The following PUS10 variants were observed in gnomAD, a reference collection of about 807,000 sequenced individuals.
PUS10 encodes the protein pseudouridine synthase 10.
A neutral mutation model predicts 75.0 loss-of-function variants in PUS10; 59 were observed. The observed-to-expected ratio is 0.79, with a 90% CI of 0.64 to 0.98. PUS10 has a LOEUF of 0.98. Ranked by LOEUF, PUS10 falls within the 50% of genes least tolerant of loss-of-function variation. The pLI is 0.00. For synonymous variants in PUS10, 219 were observed against 211.6 expected, an observed-to-expected ratio of 1.03 and a Z score of -0.30; for missense variants, 650 against 614.4, an observed-to-expected ratio of 1.06 and a Z score of -0.61.
chr2:60,986,938 A>T (rs1393754622), intron 4 of PUS10, among the ~76,000 whole-genome samples: 1 of 152,214 alleles, frequency 6.6e-6, no homozygotes, highest in Non-Finnish European at 1.5e-5. Flanking sequence ...GTAAAATTGG[A>T]AGTTTAAATG....
intron 8 of PUS10, 37 bp from the exon 9 acceptor site, chr2:60,962,927 T>C: frequency 1.3e-6 from 2 of 1,515,960 alleles, no homozygotes; most frequent in Non-Finnish European, 1.8e-6. Flanking sequence ...GACATTTTAT[T>C]ATCCAGACAA....
intron 4 of PUS10, among the ~76,000 whole-genome samples, chr2:60,995,177 A>G (rs1433915436): frequency 6.6e-6 from 1 of 152,182 alleles, no homozygotes. Context: ...TTCAGCTTCA[A>G]TTTCATCATC....
chr2:61,003,262 G>C lies in PUS10; in HGVS notation c.468+3295C>G, dbSNP rs565534687. On this transcript the variant is annotated intron_variant, in intron 4 of 17. Coordinates refer to ENST00000316752, the MANE Select transcript of PUS10 (RefSeq NM_144709.4). ...AGATCACTTGCGATCAGGAGTTTGA[G>C]ACCAGCCTGACCAACATGGTGAAAC... Among the ~76,000 whole-genome samples, 21 of 152,198 alleles carry C rather than the reference G, an allele frequency of 1.4e-4. No individual in the cohort carries two copies. The East Asian group carries it at 4.1e-3, about 30-fold the overall frequency.
chr2:61,006,333 G>A (rs955222078), intron 4 of PUS10, among the ~76,000 whole-genome samples: 1 of 152,222 alleles, frequency 6.6e-6, no homozygotes, highest in South Asian at 2.1e-4. Context: ...AAAGATGGCA[G>A]TCCTAGGACA....
In PUS10 at chr2:60,955,038, T is replaced by A. The variant is rs146710040; in HGVS notation, c.1037A>T (p.Asp346Val). 2 of 1,596,884 alleles carry A rather than the reference T, an allele frequency of 1.3e-6. No homozygotes were observed. Among genetic ancestry groups the A allele is most frequent in the Non-Finnish European group, 1.7e-6 (2 of 1,171,800 alleles). The change falls in exon 12 of 18, where the codon GAT becomes GTT. Residue 346 changes from aspartate to valine, a missense_variant. Physicochemically the swap from Asp to Val is radical, Grantham distance 152. Coordinates refer to ENST00000316752, the MANE Select transcript of PUS10 (RefSeq NM_144709.4). ...NFSSSGREDV[D>V]VRTLGNGRPF... ...CTTACCATTTCCTAATGTTCTCACA[T>A]CTACATCTTCTCTTCCAGAGGATGA... is the stretch of plus-strand genomic sequence containing the variant.
chr2:60,977,960 CGAT>C (rs1434827516), intron 4 of PUS10, among the ~76,000 whole-genome samples: 2 of 151,998 alleles, frequency 1.3e-5, no homozygotes, highest in East Asian at 3.9e-4. Flanking sequence ...TAAGACAAAA[CGAT>C]AATAAACATT....
chr2:60,948,142 C>G lies in PUS10; in HGVS notation c.1352G>C (p.Arg451Pro). 1 of 1,614,072 alleles carries G rather than the reference C, an allele frequency of 6.2e-7. No individual in the cohort carries two copies. Residue 451 changes from arginine to proline, a missense_variant, in exon 16 of 18, where the codon CGA (arginine) becomes CCA (proline). By Grantham distance (103) the Arg-to-Pro change is moderately radical (BLOSUM62 -2). Coordinates refer to ENST00000316752, the MANE Select transcript of PUS10 (RefSeq NM_144709.4). Reference sequence around the variant, plus strand: ...GCGAGCTCGCACAGCCAGGGGCCTTCGGTGAAGGACGCGCAAAGGTGTTTT... The same window carrying G: ...GCGAGCTCGCACAGCCAGGGGCCTTGGGTGAAGGACGCGCAAAGGTGTTTT... The part of the protein sequence containing the change: ...DQKTPLRVLH[R>P]RPLAVRARVI...
chr2:60,959,472 C>A (rs1362208341), intron 11 of PUS10, among the ~76,000 whole-genome samples: 3 of 152,198 alleles, frequency 2.0e-5, no homozygotes, highest in African/African-American at 7.2e-5. Flanking sequence ...CACACTGCAA[C>A]CTCTGCCTCC....
intron 15 of PUS10, among the ~76,000 whole-genome samples, chr2:60,951,036 G>C (rs10208137): frequency 6.6e-6 from 1 of 151,998 alleles, no homozygotes; most frequent in South Asian, 2.1e-4. Flanking sequence ...TTAGTGTTAC[G>C]TCAACCTTTT....
intron 16 of PUS10, among the ~76,000 whole-genome samples, chr2:60,946,421 G>A (rs1674948453): frequency 6.6e-6 from 1 of 152,146 alleles, no homozygotes; most frequent in South Asian, 2.1e-4. Flanking sequence ...TACATGGCTT[G>A]TCCTAAAAAT....
intron 4 of PUS10, among the ~76,000 whole-genome samples, chr2:60,982,326 G>A (rs183468763): frequency 2.0e-5 from 3 of 152,038 alleles, no homozygotes; most frequent in East Asian, 1.9e-4. Context: ...GCAGTGGCAC[G>A]ATCTTGGCTT....
At chr2:60,942,526 G>C (rs1558848388) in intron 17 of PUS10, 93 bp from the exon 18 acceptor site, 1 of 972,506 alleles carries the variant, frequency 1.0e-6, no homozygotes, top group Non-Finnish European at 1.6e-6. Flanking sequence ...TTTTAATATA[G>C]TGCAACAGAA....
chr2:60,988,635 T>C (rs1558951181), intron 4 of PUS10, among the ~76,000 whole-genome samples: 1 of 151,924 alleles, frequency 6.6e-6, no homozygotes, highest in Non-Finnish European at 1.5e-5. Flanking sequence ...AGGATGCGGT[T>C]TTTGTTTGTT....
At chr2:60,972,163 C>T (rs1184228967) in intron 4 of PUS10, among the ~76,000 whole-genome samples, 1 of 143,012 alleles carries the variant, frequency 7.0e-6, no homozygotes, top group Non-Finnish European at 1.5e-5. Flanking sequence ...GCCACCGCGC[C>T]CAGCCCGCAT....
Position 60,969,673 on chromosome 2 carries a change from C to T in PUS10, c.503+1850G>A, listed in dbSNP as rs141229082. 2.4e-4 allele frequency among the ~76,000 whole-genome samples: 36 copies of T among 152,308 alleles called. No individual in the cohort carries two copies. In the East Asian group the frequency reaches 3.5e-3, roughly 15 times the overall value. On this transcript the variant is annotated intron_variant, in intron 5 of 17. Transcript: ENST00000316752. ...AGCAATTCCTCCACAATCTTTTCAA[C>T]CCAGAATGAACTAGGGACACTGAGG...
chr2:60,963,170 C>T (rs1359501277), intron 8 of PUS10, among the ~76,000 whole-genome samples: 1 of 152,226 alleles, frequency 6.6e-6, no homozygotes, highest in African/African-American at 2.4e-5. Context: ...ACCACACTGT[C>T]CCACTTCTCT....
At chr2:61,013,944 T>C (rs1244024321) in intron 1 of PUS10, among the ~76,000 whole-genome samples, 3 of 145,598 alleles carry the variant, frequency 2.1e-5, no homozygotes, top group Non-Finnish European at 4.6e-5. Flanking sequence ...GTCTCAAAAA[T>C]ACAAACAAAC....
intron 4 of PUS10, among the ~76,000 whole-genome samples, chr2:60,998,473 C>G (rs548728826): frequency 2.6e-5 from 4 of 152,108 alleles, no homozygotes; most frequent in Non-Finnish European, 5.9e-5. Flanking sequence ...GGACGCATCA[C>G]CTGTCAGGAG....
chr2:60,950,730 T>C (rs1170710728), intron 15 of PUS10, among the ~76,000 whole-genome samples: 1 of 152,096 alleles, frequency 6.6e-6, no homozygotes, highest in East Asian at 1.9e-4. Flanking sequence ...GATTTTGTTT[T>C]TTTTAATAGC....
Sources: allele counts gnomAD v4.1 joint callset (sites outside exome capture counted in the v4.1 genomes callset), GRCh38; gene constraint gnomAD v4.1.1; transcripts MANE v1.5; gene names NCBI Gene and HGNC (gene_info 2026-07-23, HGNC 2026-07-21).